The following UTRN variants were observed in gnomAD, a reference collection of about 807,000 sequenced individuals.
The protein encoded by UTRN is dystrophin-related protein 1.
Under a neutral mutation model 463.9 loss-of-function variants are expected in UTRN, and 283 were observed. The ratio of observed to expected loss-of-function variants is 0.61; its 90% CI spans 0.55 to 0.67. UTRN has a LOEUF of 0.67. UTRN is among the 30% of genes least tolerant of loss of function. The probability of loss-of-function intolerance (pLI) is 0.00; values close to 1 mark genes in which losing one functional copy is unlikely to be tolerated. For missense variants in UTRN, 3,922 were observed against 4,084.3 expected, an observed-to-expected ratio of 0.96 and a Z score of 1.08; for synonymous variants, 1,442 against 1,431.5, an observed-to-expected ratio of 1.01 and a Z score of -0.17.
At chr6:144,645,006 G>A (rs533556269) in intron 51 of UTRN, among the ~76,000 whole-genome samples, 3 of 152,310 alleles carry the variant, frequency 2.0e-5, no homozygotes, top group Admixed American at 6.5e-5. Flanking sequence ...AACAGTTCAT[G>A]TGGACTTTTT....
chr6:144,808,280 A>T (rs987048421), intron 65 of UTRN, among the ~76,000 whole-genome samples: 2 of 151,248 alleles, frequency 1.3e-5, no homozygotes, highest in African/African-American at 4.9e-5. Flanking sequence ...AGAGTAGTCA[A>T]TTTTTTTTTG....
intron 2 of UTRN, among the ~76,000 whole-genome samples, chr6:144,364,196 C>T (rs965592152): frequency 5.9e-5 from 9 of 152,290 alleles, no homozygotes; most frequent in Admixed American, 3.3e-4. Flanking sequence ...AAGCTGAGCT[C>T]ACTCTTCTTT....
At chr6:144,322,666 C>T (rs909536624) in intron 2 of UTRN, among the ~76,000 whole-genome samples, 1 of 152,146 alleles carries the variant, frequency 6.6e-6, no homozygotes, top group Non-Finnish European at 1.5e-5. Context: ...CGGCCGGGCG[C>T]GGTGGCTCAC....
At chr6:144,772,015 GGTTTTTT>G (rs1794089339) in intron 59 of UTRN, 47 bp downstream of exon 59, 3 of 239,812 alleles carry the variant, frequency 1.3e-5, no homozygotes, top group East Asian at 1.1e-4. Context: ...ACTGAGAACC[GGTTTTTT>G]TTTTTTTTTT....
Position 144,285,687 on chromosome 6 carries a change from T to G in UTRN, c.-227T>G, listed in dbSNP as rs676859. On this transcript the variant is annotated 5_prime_UTR_variant, in exon 1 of 75. Transcript: ENST00000367545. ...CTTCTCCAAGCTTTATTTTTTTTTT[T>G]AAATACATCGCACCACCAAACTAAC... 6.6e-6 allele frequency: 1 copy of G among 151,662 alleles called. No individual in the cohort carries two copies. Among genetic ancestry groups the G allele is most frequent in the Non-Finnish European group, 1.5e-5 (1 of 67,948 alleles). The allele number at this position is 151,662 out of a possible 1,614,324, so 9.4% of individuals were successfully genotyped here.
In UTRN at chr6:144,473,822, G is replaced by A; in HGVS notation, c.3169G>A (p.Asp1057Asn). 1 of 1,613,148 alleles carries A rather than the reference G, an allele frequency of 6.2e-7. No homozygotes were observed. Among genetic ancestry groups the A allele is most frequent in the Non-Finnish European group, 8.5e-7 (1 of 1,179,292 alleles). ...CGACGCAGGTCTACAGAGGCAGTTA[G>A]ACCAGTGCTCTGTGAGTTCTGCTGA... The part of the protein sequence containing the change: ...GDDAGLQRQL[D>N]QCSAFVNEIE... The change falls in exon 24 of 75, where the codon GAC becomes AAC. Residue 1057 changes from aspartate to asparagine, a missense_variant. This residue lies in a region of UTRN where 2,349 missense variants were observed against 2,303.8 expected (regional missense o/e 1.02). Coordinates refer to ENST00000367545, the MANE Select transcript of UTRN (RefSeq NM_007124.3).
intron 34 of UTRN, among the ~76,000 whole-genome samples, chr6:144,503,754 TAC>T (rs1285454713): frequency 6.6e-6 from 1 of 152,218 alleles, no homozygotes; most frequent in Admixed American, 6.5e-5. Flanking sequence ...ATATGAAATT[TAC>T]AGTGTTTTTT....
At chr6:144,796,868 C>A (rs1167290327) in intron 63 of UTRN, among the ~76,000 whole-genome samples, 3 of 152,074 alleles carry the variant, frequency 2.0e-5, no homozygotes, top group Non-Finnish European at 4.4e-5. Flanking sequence ...AATGCAAATT[C>A]TAAATATGAT....
chr6:144,727,577 T>A (rs1438335959), intron 53 of UTRN, among the ~76,000 whole-genome samples: 1 of 151,718 alleles, frequency 6.6e-6, no homozygotes, highest in African/African-American at 2.4e-5. Context: ...GCTAACACAG[T>A]GAAATGCCAT....
At chr6:144,396,374 G>A (rs1562339337) in intron 2 of UTRN, among the ~76,000 whole-genome samples, 1 of 152,174 alleles carries the variant, frequency 6.6e-6, no homozygotes, top group South Asian at 2.1e-4. Context: ...GGGGCTGGTG[G>A]GTATGGGGAC....
At chr6:144,362,288 C>G (rs1004371374) in intron 2 of UTRN, among the ~76,000 whole-genome samples, 4 of 152,134 alleles carry the variant, frequency 2.6e-5, no homozygotes, top group Admixed American at 2.6e-4. Flanking sequence ...TCCGGTGGCA[C>G]CCAGTGACCT....
intron 51 of UTRN, among the ~76,000 whole-genome samples, chr6:144,636,958 G>C (rs1193413099): frequency 6.6e-6 from 1 of 151,954 alleles, no homozygotes; most frequent in Non-Finnish European, 1.5e-5. Flanking sequence ...CTTCTTTCTT[G>C]ATTTTTGTTT....
intron 53 of UTRN, among the ~76,000 whole-genome samples, chr6:144,729,663 A>G (rs1286463591): frequency 6.6e-6 from 1 of 152,216 alleles, no homozygotes; most frequent in African/African-American, 2.4e-5. Flanking sequence ...GGTTGTTTTT[A>G]TAGGTGCAGG....
chr6:144,822,729 A>G (rs1461495392), intron 66 of UTRN, among the ~76,000 whole-genome samples: 1 of 152,056 alleles, frequency 6.6e-6, no homozygotes. Context: ...TATCTAATAT[A>G]TGTTTAACTG....
At chr6:144,495,819 T>C (rs1164496341) in intron 33 of UTRN, among the ~76,000 whole-genome samples, 3 of 152,268 alleles carry the variant, frequency 2.0e-5, no homozygotes, top group African/African-American at 7.2e-5. Context: ...AAGATTTTTC[T>C]AAGTGTAATT....
In UTRN at chr6:144,448,688, C is replaced by G. The variant is rs767272959; in HGVS notation, c.1991C>G (p.Thr664Arg). 48 of 1,613,632 alleles carry G rather than the reference C, an allele frequency of 3.0e-5. 1 individual carries two copies. The African/African-American group carries it at 4.0e-4, about 13-fold the overall frequency. ...GTTCGTGTAAGAGAACAAGCAATTA[C>G]AAAAAAATCTAAGCAGGAACTGCCT... ...ETVRVREQAI[T>R]KKSKQELPPP... Residue 664 changes from threonine to arginine, a missense_variant, in exon 17 of 75, where the codon ACA (threonine) becomes AGA (arginine). Coordinates refer to ENST00000367545, the MANE Select transcript of UTRN (RefSeq NM_007124.3).
At chr6:144,774,787 G>A (rs117632037) in intron 60 of UTRN, among the ~76,000 whole-genome samples, 1 of 152,066 alleles carries the variant, frequency 6.6e-6, no homozygotes, top group Non-Finnish European at 1.5e-5. Flanking sequence ...ATTTGAACTG[G>A]CACCTTAACA....
At chr6:144,787,460 G>A (rs1435161253) in intron 61 of UTRN, among the ~76,000 whole-genome samples, 3 of 151,960 alleles carry the variant, frequency 2.0e-5, no homozygotes, top group Non-Finnish European at 4.4e-5. Flanking sequence ...ACATACTAAG[G>A]GTTCAGTAAG....
chr6:144,714,388 C>G (rs1396277499), intron 53 of UTRN, among the ~76,000 whole-genome samples: 3 of 152,210 alleles, frequency 2.0e-5, no homozygotes, highest in Admixed American at 6.5e-5. Flanking sequence ...AAGCAGTTAA[C>G]TGCTTTTTTG....
Sources: allele counts gnomAD v4.1 joint callset (sites outside exome capture counted in the v4.1 genomes callset), GRCh38; gene constraint gnomAD v4.1.1; regional missense constraint gnomAD v4.1.1; transcripts MANE v1.5; gene names NCBI Gene and HGNC (gene_info 2026-07-23, HGNC 2026-07-21).